CSGALNACT1: variants seen among roughly 807,000 people sequenced by gnomAD.
The protein encoded by CSGALNACT1 is beta4GalNAcT-1.
In CSGALNACT1, 52 loss-of-function variants were observed where a neutral mutation model predicts 51.0. That is an observed-to-expected ratio of 1.02 (90% CI 0.82 to 1.29). The LOEUF (loss-of-function observed/expected upper bound fraction) is 1.29. CSGALNACT1 is among the 50% of genes most tolerant of loss of function. CSGALNACT1 has a pLI of 0.00. For missense variants in CSGALNACT1, 935 were observed against 679.2 expected, an observed-to-expected ratio of 1.38 and a Z score of -4.19; for synonymous variants, 341 against 254.4, an observed-to-expected ratio of 1.34 and a Z score of -3.24.
chr8:19,667,258 C>CA (rs928798627), intron 1 of CSGALNACT1, among the ~76,000 whole-genome samples: 10,288 of 101,406 alleles, frequency 0.1, 468 homozygotes, highest in African/African-American at 0.14. Flanking sequence ...CCATCTCTAC[C>CA]AAAAAAAAAA....
intron 1 of CSGALNACT1, among the ~76,000 whole-genome samples, chr8:19,628,318 C>T (rs1253937913): frequency 2.0e-5 from 3 of 152,134 alleles, no homozygotes; most frequent in Admixed American, 6.5e-5. Context: ...GTGGCAGGAG[C>T]GAGAAGGCTC....
intron 4 of CSGALNACT1, among the ~76,000 whole-genome samples, chr8:19,491,914 T>C (rs994210335): frequency 1.1e-4 from 16 of 152,228 alleles, no homozygotes; most frequent in African/African-American, 2.9e-4. Context: ...AGCATTGCAG[T>C]GCAAATTAGT....
At chr8:19,546,584 GA>G (rs1334467954) in intron 3 of CSGALNACT1, among the ~76,000 whole-genome samples, 2 of 152,132 alleles carry the variant, frequency 1.3e-5, no homozygotes, top group Non-Finnish European at 2.9e-5. Flanking sequence ...TAAATACTTG[GA>G]ATACCATCTG....
intron 3 of CSGALNACT1, among the ~76,000 whole-genome samples, chr8:19,523,002 C>T (rs1410799528): frequency 6.6e-6 from 1 of 152,134 alleles, no homozygotes; most frequent in African/African-American, 2.4e-5. Context: ...TAAAATGCCT[C>T]CATGTGAAAG....
At position 19,438,196 on chromosome 8, in the gene CSGALNACT1, TC is replaced by T. The variant is rs1263428531; in HGVS notation, c.953+1633del. Among the ~76,000 whole-genome samples, 9 of 50,084 alleles carry T rather than the reference TC, an allele frequency of 1.8e-4. 1 individual carries two copies. The highest frequency in any genetic ancestry group is 4.1e-4 in the Non-Finnish European group (8 of 19,684). 32.9% of individuals were successfully genotyped at this position (50,084 alleles called of 152,430 possible). On this transcript the variant is annotated intron_variant, in intron 6 of 9. Coordinates refer to ENST00000454498, the Ensembl canonical transcript of CSGALNACT1. ...TAAAATCTCTTGGCCGGGGCGGGGG[TC>T]GGGGGGCAGCCAGCTGGCTGCACTT...
intron 2 of CSGALNACT1, among the ~76,000 whole-genome samples, chr8:19,599,530 A>AAAAGG (rs2049918297): frequency 6.6e-6 from 1 of 151,502 alleles, no homozygotes; most frequent in Non-Finnish European, 1.5e-5. Context: ...GAAAGAAAAG[A>AAAAGG]AAGAAAAAGA....
intron 1 of CSGALNACT1, among the ~76,000 whole-genome samples, chr8:19,730,988 G>A (rs896131479): frequency 3.3e-5 from 5 of 152,176 alleles, no homozygotes; most frequent in African/African-American, 4.8e-5. Flanking sequence ...TCCTTGAAGC[G>A]TCAGAGAATG....
intron 3 of CSGALNACT1, among the ~76,000 whole-genome samples, chr8:19,530,084 T>C (rs1380468539): frequency 6.6e-6 from 1 of 151,936 alleles, no homozygotes; most frequent in Non-Finnish European, 1.5e-5. Flanking sequence ...TAGCCAGGCA[T>C]AGTGGTGCGT....
At chr8:19,541,088 A>AT (rs5889873) in intron 3 of CSGALNACT1, among the ~76,000 whole-genome samples, 31 of 148,038 alleles carry the variant, frequency 2.1e-4, no homozygotes, top group South Asian at 8.6e-4. Flanking sequence ...CTGGGTGATA[A>AT]TTTTTTTTTT....
At chr8:19,551,586 A>G (rs1274454586) in intron 3 of CSGALNACT1, among the ~76,000 whole-genome samples, 1 of 152,226 alleles carries the variant, frequency 6.6e-6, no homozygotes, top group African/African-American at 2.4e-5. Flanking sequence ...CGTGCAAGCA[A>G]ATAGATCCAG....
intron 6 of CSGALNACT1, among the ~76,000 whole-genome samples, chr8:19,424,147 C>A (rs2058408007): frequency 6.6e-6 from 1 of 152,144 alleles, no homozygotes; most frequent in Admixed American, 6.5e-5. Context: ...CTCACCAGGT[C>A]CTGATGAGAG....
intron 6 of CSGALNACT1, among the ~76,000 whole-genome samples, chr8:19,434,976 G>A (rs1027487848): frequency 3.9e-5 from 6 of 152,056 alleles, no homozygotes; most frequent in Non-Finnish European, 8.8e-5. Context: ...GGTGTGAAAT[G>A]CTGACACAAA....
chr8:19,656,294 T>C (rs988258538), intron 1 of CSGALNACT1, among the ~76,000 whole-genome samples: 1 of 152,144 alleles, frequency 6.6e-6, no homozygotes, highest in Admixed American at 6.5e-5. Flanking sequence ...AAAAGATCTA[T>C]CCTAAAAGTC....
At chr8:19,524,654 G>A (rs1391740453) in intron 3 of CSGALNACT1, among the ~76,000 whole-genome samples, 1 of 152,060 alleles carries the variant, frequency 6.6e-6, no homozygotes, top group Admixed American at 6.5e-5. Flanking sequence ...GGAGTGGTGA[G>A]TCTAAGGAGG....
In CSGALNACT1 at chr8:19,580,798, TAGAG is replaced by T. The variant is rs2045398282; in HGVS notation, c.-297+10358_-297+10361del. On this transcript the variant is annotated intron_variant, in intron 3 of 9. Transcript: ENST00000454498. The stretch of plus-strand genomic sequence containing the variant: ...TGTGTTCAAGAAAATATATTAAAGA[TAGAG>T]AATCTTACCAGATACCTAGCTTCTA... Among the ~76,000 whole-genome samples the T allele has an allele frequency of 2.6e-5, 4 of 152,100 alleles. 1 individual carries two copies. Among genetic ancestry groups the T allele is most frequent in the Admixed American group, 2.6e-4 (4 of 15,250 alleles).
At chr8:19,670,759 T>G (rs915457889) in intron 1 of CSGALNACT1, among the ~76,000 whole-genome samples, 12 of 151,948 alleles carry the variant, frequency 7.9e-5, no homozygotes, top group Non-Finnish European at 4.4e-5. Flanking sequence ...CATATGTGCT[T>G]AAAGCATTTC....
intron 3 of CSGALNACT1, among the ~76,000 whole-genome samples, chr8:19,518,438 A>G (rs2079979959): frequency 6.8e-6 from 1 of 148,040 alleles, no homozygotes. Flanking sequence ...TATTTGCATA[A>G]TAATATTAGG....
exon 4 of CSGALNACT1, chr8:19,505,767 C>G (rs1353250265): frequency 6.2e-7 from 1 of 1,614,070 alleles, no homozygotes; most frequent in East Asian, 2.2e-5. Context: ...GATAGCACAG[C>G]AGAGGAGCAC....
intron 6 of CSGALNACT1, among the ~76,000 whole-genome samples, chr8:19,436,048 G>C (rs1439935827): frequency 1.3e-5 from 2 of 152,078 alleles, no homozygotes; most frequent in Non-Finnish European, 2.9e-5. Flanking sequence ...TCACAAACTG[G>C]TGTTTGCAGA....
Sources: allele counts gnomAD v4.1 joint callset (sites outside exome capture counted in the v4.1 genomes callset), GRCh38; gene constraint gnomAD v4.1.1; transcripts MANE v1.5; gene names NCBI Gene and HGNC (gene_info 2026-07-23, HGNC 2026-07-21).